The following ARHGAP32 variants were observed in gnomAD, a reference collection of about 807,000 sequenced individuals.
ARHGAP32 encodes Rho GTPase activating protein 32, also known as rho GTPase-activating protein 32.
Under a neutral mutation model 186.5 loss-of-function variants are expected in ARHGAP32, and 51 were observed. The observed-to-expected ratio is 0.27, with a 90% CI of 0.22 to 0.35. The LOEUF is 0.35. Ranked by LOEUF, ARHGAP32 falls within the 10% of genes least tolerant of loss-of-function variation. ARHGAP32 has a pLI of 1.00. For missense variants in ARHGAP32, 2,186 were observed against 2,623.5 expected (o/e 0.83, Z 3.64); for synonymous variants, 950 against 964.3 (o/e 0.99, Z 0.27).
At chr11:129,207,329 G>A (rs933938181) in intron 1 of ARHGAP32, among the ~76,000 whole-genome samples, 2 of 152,160 alleles carry the variant, frequency 1.3e-5, no homozygotes, top group Non-Finnish European at 2.9e-5. Flanking sequence ...CTTCCACAAT[G>A]GTTGAACTAA....
intron 10 of ARHGAP32, among the ~76,000 whole-genome samples, chr11:129,053,924 A>G (rs769998284): frequency 3.3e-5 from 5 of 152,154 alleles, no homozygotes; most frequent in Non-Finnish European, 5.9e-5. Context: ...CATGAATATG[A>G]TAGTTTTTAC....
At chr11:129,018,011 TCTGA>T (rs1352921520) in intron 11 of ARHGAP32, among the ~76,000 whole-genome samples, 4 of 152,084 alleles carry the variant, frequency 2.6e-5, no homozygotes, top group South Asian at 2.1e-4. Context: ...TTTTCTTGCT[TCTGA>T]CTTTGTTTTT....
upstream of ARHGAP32, among the ~76,000 whole-genome samples, chr11:129,193,673 TA>T (rs1944340284): frequency 2.0e-5 from 1 of 49,716 alleles, no homozygotes; most frequent in Non-Finnish European, 3.6e-5. Flanking sequence ...ATATTATATA[TA>T]ATATATAATA....
At chr11:129,117,531 T>G (rs115127342) in intron 5 of ARHGAP32, among the ~76,000 whole-genome samples, 2 of 151,960 alleles carry the variant, frequency 1.3e-5, no homozygotes, top group Non-Finnish European at 2.9e-5. Flanking sequence ...CATGTAATGA[T>G]AGAAAGCCAT....
intron 10 of ARHGAP32, among the ~76,000 whole-genome samples, chr11:129,060,374 T>C (rs1244823303): frequency 7.0e-6 from 1 of 143,060 alleles, no homozygotes; most frequent in African/African-American, 2.5e-5. Flanking sequence ...GATAGATAGA[T>C]AGATAGATAA....
At chr11:129,242,514 C>T (rs535644510) in intron 1 of ARHGAP32, among the ~76,000 whole-genome samples, 201 of 152,082 alleles carry the variant, frequency 1.3e-3, no homozygotes, top group Non-Finnish European at 2.3e-3. Flanking sequence ...GTCAGGAGAT[C>T]GAGACCATCC....
intron 2 of ARHGAP32, among the ~76,000 whole-genome samples, chr11:129,146,915 C>A (rs1943177760): frequency 6.6e-6 from 1 of 151,898 alleles, no homozygotes. Flanking sequence ...ATAAAGGGCT[C>A]CCTAAATAAA....
At chr11:129,174,896 C>A (rs1289295722) in intron 1 of ARHGAP32, among the ~76,000 whole-genome samples, 1 of 147,608 alleles carries the variant, frequency 6.8e-6, no homozygotes, top group Non-Finnish European at 1.5e-5. Context: ...TCTCCTCCTC[C>A]AAAGGAACGC....
At chr11:129,194,866 G>A (rs957409724), upstream of ARHGAP32, among the ~76,000 whole-genome samples, 1 of 146,136 alleles carries the variant, frequency 6.8e-6, no homozygotes, top group African/African-American at 2.5e-5. Flanking sequence ...GTAAAGAATT[G>A]GATTTTTAAA....
intron 11 of ARHGAP32, among the ~76,000 whole-genome samples, chr11:129,038,168 G>A (rs890211482): frequency 2.1e-4 from 32 of 151,814 alleles, no homozygotes; most frequent in African/African-American, 7.0e-4. Flanking sequence ...ATAAATCTAG[G>A]GTCAACTGTG....
At chr11:129,227,209 A>C (rs1944797158) in intron 1 of ARHGAP32, among the ~76,000 whole-genome samples, 1 of 151,986 alleles carries the variant, frequency 6.6e-6, no homozygotes, top group South Asian at 2.1e-4. Flanking sequence ...TTATAAATTA[A>C]ATTTTCAATT....
intron 2 of ARHGAP32, among the ~76,000 whole-genome samples, chr11:129,125,535 A>T (rs1045122720): frequency 6.6e-6 from 1 of 152,154 alleles, no homozygotes; most frequent in East Asian, 1.9e-4. Flanking sequence ...AAAAAAACTT[A>T]AGTTGAATTA....
chr11:129,181,036 G>C (rs1944043836), intron 1 of ARHGAP32, among the ~76,000 whole-genome samples: 1 of 151,984 alleles, frequency 6.6e-6, no homozygotes, highest in Non-Finnish European at 1.5e-5. Flanking sequence ...GACAAATATA[G>C]CATATTACCC....
rs140966757 is a variant in ARHGAP32, at chr11:128,969,478, G to A, written c.5735C>T (p.Pro1912Leu). 235 of 1,614,158 alleles carry A rather than the reference G, an allele frequency of 1.5e-4. No individual in the cohort carries two copies. In the African/African-American group the frequency reaches 2.7e-3, roughly 19 times the overall value. ...FCESKNGPPYPQGAGQLDYGS... is the reference protein window; with the variant it reads ...FCESKNGPPYLQGAGQLDYGS... Reference sequence around the variant, plus strand: ...ATAATCTAACTGGCCAGCTCCCTGGGGATAAGGGGGCCCATTCTTTGACTC... The same window carrying A: ...ATAATCTAACTGGCCAGCTCCCTGGAGATAAGGGGGCCCATTCTTTGACTC... The change falls in exon 23 of 23, where the codon CCC becomes CTC. Residue 1912 changes from proline to leucine, a missense_variant. Physicochemically the swap from Pro to Leu is moderately conservative, Grantham distance 98. Transcript: ENST00000682385. This position sits in a 1 kb window ranked among gnomAD's most constrained non-coding sequence, Gnocchi z 4.8.
intron 1 of ARHGAP32, among the ~76,000 whole-genome samples, chr11:129,260,767 T>G (rs1175148847): frequency 3.9e-5 from 6 of 152,200 alleles, no homozygotes; most frequent in African/African-American, 1.4e-4. Flanking sequence ...ATGTTACAGC[T>G]GAGCAATCAA....
intron 2 of ARHGAP32, chr11:129,125,959 C>T (rs1054408715): frequency 4.7e-6 from 2 of 429,896 alleles, no homozygotes; most frequent in Non-Finnish European, 9.1e-6. Flanking sequence ...TTGCGGCTAC[C>T]ACACGGATTC....
chr11:129,059,919 G>A (rs1481156364), intron 10 of ARHGAP32, among the ~76,000 whole-genome samples: 5 of 152,118 alleles, frequency 3.3e-5, no homozygotes, highest in Non-Finnish European at 7.4e-5. Flanking sequence ...ATGGAGATAC[G>A]ATTGCCTTTC....
At chr11:128,975,944 G>T (rs1210651121) in intron 20 of ARHGAP32, among the ~76,000 whole-genome samples, 4 of 152,042 alleles carry the variant, frequency 2.6e-5, no homozygotes, top group Non-Finnish European at 5.9e-5. Flanking sequence ...CGGGCATGGT[G>T]GCGCATGCCT....
intron 10 of ARHGAP32, among the ~76,000 whole-genome samples, chr11:129,059,137 A>G (rs1591576676): frequency 6.6e-6 from 1 of 152,298 alleles, no homozygotes; most frequent in East Asian, 1.9e-4. Flanking sequence ...ATAATCTGAG[A>G]GTGAATGTAA....
Sources: gnomAD v4.1 joint callset for allele counts (sites outside exome capture counted in the v4.1 genomes callset) on GRCh38, gnomAD v4.1.1 for gene constraint, Gnocchi (gnomAD v3.1) non-coding constraint, MANE v1.5 for transcripts, NCBI Gene and HGNC (gene_info 2026-07-23, HGNC 2026-07-21) for gene names.